The following TTC24 variants were observed in gnomAD, a reference collection of about 807,000 sequenced individuals.
The protein encoded by TTC24 is tetratricopeptide repeat protein 24.
TTC24 carries 54 observed loss-of-function variants against 63.3 expected under a neutral mutation model. The ratio of observed to expected loss-of-function variants is 0.85; its 90% CI spans 0.69 to 1.07. The LOEUF (loss-of-function observed/expected upper bound fraction) is 1.07. TTC24 is among the 50% of genes least tolerant of loss of function. TTC24 has a pLI of 0.00. For missense variants in TTC24, 680 were observed against 730.5 expected, an observed-to-expected ratio of 0.93 and a Z score of 0.80; for synonymous variants, 276 against 304.3, an observed-to-expected ratio of 0.91 and a Z score of 0.97.
intron 8 of TTC24, 52 bp from the exon 9 acceptor site, chr1:156,585,661 G>A: frequency 1.5e-6 from 2 of 1,318,042 alleles, no homozygotes; most frequent in African/African-American, 1.4e-5. Flanking sequence ...AGGGAGCAGA[G>A]TTCTTTGCTA....
chr1:156,585,492 CT>C, intron 8 of TTC24: 1 of 605,146 alleles, frequency 1.7e-6, no homozygotes, highest in South Asian at 2.0e-5. Flanking sequence ...AGAACTCCCT[CT>C]TCCTTCCTGC....
Position 156,585,839 on chromosome 1 carries a change from T to A in TTC24, c.1570+13T>A, listed in dbSNP as rs753480988. ...GCCTCCATCTATAGTGAGCAGTGCA[T>A]CCCCTGACACCGCCCCAACTCGTGG... is the stretch of plus-strand genomic sequence containing the variant. On this transcript the variant is annotated intron_variant, in intron 9 of 10. Transcript: ENST00000368236. The A allele has an allele frequency of 1.2e-6, 2 of 1,603,176 alleles. No individual in the cohort carries two copies. Among genetic ancestry groups the A allele is most frequent in the Non-Finnish European group, 1.7e-6 (2 of 1,170,164 alleles).
chr1:156,581,708 G>C lies in TTC24; in HGVS notation c.344G>C (p.Arg115Pro), dbSNP rs143811617. The stretch of plus-strand genomic sequence containing the variant: ...CCTGAAGAGAAGGCACAGGGCAGGC[G>C]ACACGGCGACCAATGTTTCAATGTG... Reference protein sequence around the residue: ...AHPEEKAQGRRHGDQCFNVAL... With the variant: ...AHPEEKAQGRPHGDQCFNVAL... Residue 115 changes from arginine to proline, a missense_variant, in exon 2 of 11, where the codon CGA becomes CCA. Transcript: ENST00000368236. 4 of 1,551,758 alleles carry C rather than the reference G, an allele frequency of 2.6e-6. No individual in the cohort carries two copies. The highest frequency in any genetic ancestry group is 3.5e-6 in the Non-Finnish European group (4 of 1,146,998).
chr1:156,582,380 C>G lies in TTC24; in HGVS notation c.856C>G (p.Leu286Val). The change falls in exon 3 of 11, where the codon CTC becomes GTC. Residue 286 changes from leucine to valine, a missense_variant. Coordinates refer to ENST00000368236, the MANE Select transcript of TTC24 (RefSeq NM_001105669.4). The stretch of plus-strand genomic sequence containing the variant: ...AAACCTCGGGATGGCCCACAATGCC[C>G]TCGGCAACTATCAGGAAGCTCGGGA... ...LRNLGMAHNA[L>V]GNYQEAREFH... 3 of 1,613,716 alleles carry G rather than the reference C, an allele frequency of 1.9e-6. No individual in the cohort carries two copies. Among genetic ancestry groups the G allele is most frequent in the Non-Finnish European group, 2.5e-6 (3 of 1,179,792 alleles).
At chr1:156,585,860 C>A in intron 9 of TTC24, 34 bp downstream of exon 9, 1 of 1,592,770 alleles carries the variant, frequency 6.3e-7, no homozygotes, top group Non-Finnish European at 8.6e-7. Context: ...CGCCCCAACT[C>A]GTGGTTCTTC....
At chr1:156,585,605 C>T in intron 8 of TTC24, 108 bp from the exon 9 acceptor site, 2 of 810,584 alleles carry the variant, frequency 2.5e-6, no homozygotes, top group South Asian at 1.5e-5. Flanking sequence ...TGTTGGTAAA[C>T]CCCAGCTCAC....
At chr1:156,585,522 T>A in intron 8 of TTC24, 191 bp from the exon 9 acceptor site, 2 of 617,156 alleles carry the variant, frequency 3.2e-6, no homozygotes, top group South Asian at 2.0e-5. Context: ...CTTTCCTAAC[T>A]TCTAGAACTT....
rs954259241 is a variant in TTC24, at chr1:156,579,757, A to G, written c.-6A>G. 1.3e-5 allele frequency: 2 copies of G among 152,106 alleles called. No homozygotes were observed. Among genetic ancestry groups the G allele is most frequent in the African/African-American group, 4.8e-5 (2 of 41,384 alleles). 9.4% of individuals were successfully genotyped at this position (152,106 alleles called of 1,614,324 possible). A position where few individuals can be genotyped will look rare whatever the true frequency, so the allele number is the denominator to read the frequency against. ...AGCCAGCTGCGGAGAAGACCCAAGG[A>G]GGTAAGGTGTCCTGCAGTGGGGATC... On this transcript the variant is annotated splice_region_variant and 5_prime_UTR_variant, in exon 1 of 11. Transcript: ENST00000368236.
At chr1:156,580,692 G>T (rs560641780) in intron 1 of TTC24, among the ~76,000 whole-genome samples, 1 of 152,090 alleles carries the variant, frequency 6.6e-6, no homozygotes, top group African/African-American at 2.4e-5. Context: ...TGGCCAGGCT[G>T]GTCTCTATCT....
rs1255401139 is a variant in TTC24 at position 156,586,469 on chromosome 1, G to C, written c.1668G>C (p.Arg556Ser). The change falls in exon 11 of 11, where the codon AGG (arginine) becomes AGC (serine). Residue 556 changes from arginine (R) to serine (S), a missense_variant and splice_region_variant. By Grantham distance (110) the Arg-to-Ser change is moderately radical. Transcript: ENST00000368236. Reference sequence around the variant, plus strand: ...GCAAGCCCCTCCCTGCCTCTTTCAGGTCATCCAGGTGGCCCAGGGAAAGCC... The same window carrying C: ...GCAAGCCCCTCCCTGCCTCTTTCAGCTCATCCAGGTGGCCCAGGGAAAGCC... ...ILVPNGPQAN[R>S]SSRWPRESLS... 3 of 1,609,018 alleles carry C rather than the reference G, an allele frequency of 1.9e-6. No homozygotes were observed. Among genetic ancestry groups the C allele is most frequent in the Non-Finnish European group, 2.5e-6 (3 of 1,179,646 alleles).
In TTC24 at chr1:156,581,481, C is replaced by T; in HGVS notation, c.117C>T (p.Leu39=). 3 of 1,551,408 alleles carry T rather than the reference C, an allele frequency of 1.9e-6. No homozygotes were observed. Among genetic ancestry groups the T allele is most frequent in the Non-Finnish European group, 2.6e-6 (3 of 1,146,796 alleles). ...GGCAAGAAGCCAGCATCCAAGCCCT[C>T]ACCAGGGCTGGCCATGGGGCCCTTC... ...WLRQEASIQA[L]TRAGHGALQA... The change falls in exon 2 of 11, where the codon CTC becomes CTT. Residue 39 remains leucine, a synonymous_variant. Transcript: ENST00000368236.
At chr1:156,585,912 A>T in intron 9 of TTC24, 37 bp from the exon 10 acceptor site, 1 of 1,596,656 alleles carries the variant, frequency 6.3e-7, no homozygotes, top group Non-Finnish European at 8.6e-7. Flanking sequence ...TGGTGCAGAG[A>T]GGCACGTGAT....
chr1:156,582,420 C>T lies in TTC24; in HGVS notation c.896C>T (p.Ala299Val). Residue 299 changes from alanine (A) to valine (V), a missense_variant, in exon 3 of 11, where the codon GCT becomes GTT. Physicochemically the swap from Ala to Val is moderately conservative, Grantham distance 64 (BLOSUM62 0). Coordinates refer to ENST00000368236, the MANE Select transcript of TTC24 (RefSeq NM_001105669.4). Reference sequence around the variant, plus strand: ...GAAGCTCGGGAGTTTCACCAGAAGGCTGCTGACCTACACGGTGGGTGCCTG... The same window carrying T: ...GAAGCTCGGGAGTTTCACCAGAAGGTTGCTGACCTACACGGTGGGTGCCTG... Reference protein sequence around the residue: ...YQEAREFHQKAADLHGSVGQR... With the variant: ...YQEAREFHQKVADLHGSVGQR... 1.9e-6 allele frequency: 3 copies of T among 1,613,870 alleles called. No individual in the cohort carries two copies. Among genetic ancestry groups the T allele is most frequent in the Non-Finnish European group, 2.5e-6 (3 of 1,179,832 alleles).
rs753594026 is a variant in TTC24 at position 156,583,065 on chromosome 1, C to A, written c.934C>A (p.Gln312Lys). Reference sequence around the variant, plus strand: ...AGGCTCTGTGGGGCAGCGGTGGGAGCAGGGCCGGAGCTTTGGCAGCCTGGC... The same window carrying A: ...AGGCTCTGTGGGGCAGCGGTGGGAGAAGGGCCGGAGCTTTGGCAGCCTGGC... ...LHGSVGQRWE[Q>K]GRSFGSLAFA... is the part of the protein sequence containing the mutation. Residue 312 changes from glutamine to lysine, a missense_variant, in exon 4 of 11, where the codon CAG (glutamine) becomes AAG (lysine). By Grantham distance (53) the Gln-to-Lys change is moderately conservative. Transcript: ENST00000368236. This position sits in a 1 kb window ranked among gnomAD's most constrained non-coding sequence, Gnocchi z 4.0. 2 of 1,613,410 alleles carry A rather than the reference C, an allele frequency of 1.2e-6. No individual in the cohort carries two copies. Among genetic ancestry groups the A allele is most frequent in the Middle Eastern group, 3.3e-4 (2 of 5,998 alleles).
At chr1:156,585,642 T>C in intron 8 of TTC24, 71 bp from the exon 9 acceptor site, 1 of 1,108,864 alleles carries the variant, frequency 9.0e-7, no homozygotes, top group Non-Finnish European at 1.4e-6. Flanking sequence ...CCACAAAGAC[T>C]TGCAACTCAG....
chr1:156,584,031 G>A (rs933689437), intron 6 of TTC24, 136 bp downstream of exon 6: 1 of 722,756 alleles, frequency 1.4e-6, no homozygotes, highest in Non-Finnish European at 2.4e-6. Context: ...CCTTGAGCCT[G>A]CGCATGAGAT....
intron 8 of TTC24, 65 bp downstream of exon 8, chr1:156,585,296 C>A: frequency 1.5e-6 from 2 of 1,310,016 alleles, no homozygotes; most frequent in Non-Finnish European, 2.1e-6. Context: ...CTCCCACCCC[C>A]ACCCGCCTGC....
rs1234448942 is a variant in TTC24, at chr1:156,583,277, AG to A, written c.1040-56del. On this transcript the variant is annotated intron_variant, in intron 4 of 10. Coordinates refer to ENST00000368236, the MANE Select transcript of TTC24 (RefSeq NM_001105669.4). The surrounding 1 kb of genome is among the most constrained non-coding windows in gnomAD (Gnocchi z 4.0). Reference sequence around the variant, plus strand: ...GAACTGAGGGTAGGGAGTGCCTCTGAGGGGGTGGATCAGTGGGGTAGGAAGT... The same window carrying A: ...GAACTGAGGGTAGGGAGTGCCTCTGAGGGGTGGATCAGTGGGGTAGGAAGT... 1.2e-6 allele frequency: 2 copies of A among 1,603,258 alleles called. No homozygotes were observed. Among genetic ancestry groups the A allele is most frequent in the African/African-American group, 1.4e-5 (1 of 72,976 alleles).
intron 8 of TTC24, 55 bp downstream of exon 8, chr1:156,585,286 C>T: frequency 7.1e-7 from 1 of 1,403,490 alleles, no homozygotes. Flanking sequence ...AAATATGGCA[C>T]TCCCACCCCC....
Sources: allele counts gnomAD v4.1 joint callset (sites outside exome capture counted in the v4.1 genomes callset), GRCh38; gene constraint gnomAD v4.1.1; non-coding constraint Gnocchi (gnomAD v3.1); transcripts MANE v1.5; gene names NCBI Gene and HGNC (gene_info 2026-07-23, HGNC 2026-07-21).